Variants in WDFY3 observed in about 807,000 individuals in gnomAD.
WDFY3 encodes WD repeat and FYVE domain-containing protein 3.
In WDFY3, 66 loss-of-function variants were observed where a neutral mutation model predicts 409.6. That is an observed-to-expected ratio of 0.16 (90% confidence interval 0.13 to 0.20). The LOEUF (loss-of-function observed/expected upper bound fraction) is 0.20. Among genes scored for constraint, WDFY3 ranks in the 10% least tolerant of loss-of-function variants. The probability of loss-of-function intolerance (pLI) is 1.00; values close to 1 mark genes in which losing one functional copy is unlikely to be tolerated. For synonymous variants in WDFY3, 1,521 were observed against 1,537.1 expected (o/e 0.99, Z 0.25); for missense variants, 3,031 against 4,298.1 (o/e 0.71, Z 8.24).
At position 84,714,743 on chromosome 4, in the gene WDFY3, G is replaced by T. The variant is rs554043537; in HGVS notation, c.7961+555C>A. 1.2e-4 allele frequency among the ~76,000 whole-genome samples: 18 copies of T among 152,234 alleles called. No homozygotes were observed. In the East Asian group the frequency reaches 3.5e-3, roughly 30 times the overall value. ...AGGTGGGCAGATCACAAGGTCAAGA[G>T]ATCGAGACCATCCTGGCTAACACGG... On this transcript the variant is annotated intron_variant, in intron 50 of 67. Transcript: ENST00000295888.
intron 64 of WDFY3, among the ~76,000 whole-genome samples, chr4:84,679,839 TATAC>T (rs1273135706): frequency 9.8e-4 from 146 of 148,448 alleles, no homozygotes; most frequent in Middle Eastern, 3.5e-3. Context: ...TATATATATA[TATAC>T]ACACACACAC....
intron 67 of WDFY3, among the ~76,000 whole-genome samples, chr4:84,676,777 T>C (rs1200490926): frequency 6.6e-6 from 1 of 152,110 alleles, no homozygotes; most frequent in Non-Finnish European, 1.5e-5. Context: ...TACGTAAAGC[T>C]GAAAAGTAAA....
chr4:84,826,019 G>A (rs540471242), intron 10 of WDFY3, among the ~76,000 whole-genome samples: 5 of 151,938 alleles, frequency 3.3e-5, no homozygotes, highest in Admixed American at 6.6e-5. Context: ...TTTATCCTCC[G>A]ACCCAAATGA....
intron 2 of WDFY3, among the ~76,000 whole-genome samples, chr4:84,925,328 T>TA (rs33997252): frequency 4.6e-5 from 7 of 152,226 alleles, no homozygotes; most frequent in South Asian, 2.1e-4. Flanking sequence ...GGAAGTTTTT[T>TA]AAAAAAAATC....
chr4:84,819,584 G>C (rs1353262618), intron 12 of WDFY3, among the ~76,000 whole-genome samples: 1 of 151,892 alleles, frequency 6.6e-6, no homozygotes, highest in African/African-American at 2.4e-5. Context: ...GTTAATGACA[G>C]GTAGAAAAGT....
intron 2 of WDFY3, among the ~76,000 whole-genome samples, chr4:84,897,894 G>A (rs903960396): frequency 2.6e-5 from 4 of 152,214 alleles, no homozygotes; most frequent in Non-Finnish European, 5.9e-5. Flanking sequence ...TACATATTTA[G>A]AGATAACAAC....
intron 12 of WDFY3, among the ~76,000 whole-genome samples, chr4:84,819,686 C>A (rs1753793762): frequency 1.3e-5 from 2 of 151,960 alleles, no homozygotes; most frequent in South Asian, 4.1e-4. Flanking sequence ...AATCATTGTT[C>A]AGTATTTCCT....
At chr4:84,878,113 T>C (rs776428451) in intron 3 of WDFY3, among the ~76,000 whole-genome samples, 8 of 152,158 alleles carry the variant, frequency 5.3e-5, no homozygotes, top group Non-Finnish European at 7.4e-5. Flanking sequence ...AAAACTGATA[T>C]AAATTCAGAA....
intron 64 of WDFY3, among the ~76,000 whole-genome samples, chr4:84,681,110 T>C (rs1727273824): frequency 6.6e-6 from 1 of 152,174 alleles, no homozygotes; most frequent in Non-Finnish European, 1.5e-5. Context: ...CTAGCTTGTT[T>C]ACATTTCACC....
At chr4:84,685,313 A>G (rs997674518) in intron 62 of WDFY3, among the ~76,000 whole-genome samples, 1 of 152,214 alleles carries the variant, frequency 6.6e-6, no homozygotes, top group African/African-American at 2.4e-5. Context: ...TTCCATCCAC[A>G]GTCTGTGCTG....
At chr4:84,726,735 G>C in intron 45 of WDFY3, 126 bp downstream of exon 45, 1 of 788,350 alleles carries the variant, frequency 1.3e-6, no homozygotes, top group Non-Finnish European at 2.0e-6. Context: ...GGAACTTATA[G>C]GAAGAACAAA....
intron 30 of WDFY3, among the ~76,000 whole-genome samples, chr4:84,768,522 C>T (rs947438922): frequency 6.6e-6 from 1 of 152,148 alleles, no homozygotes; most frequent in East Asian, 1.9e-4. Context: ...TGCCTATGCT[C>T]GCTAAATGAA....
intron 2 of WDFY3, among the ~76,000 whole-genome samples, chr4:84,914,711 G>GA (rs548248006): frequency 1.1e-3 from 166 of 152,296 alleles, no homozygotes; most frequent in African/African-American, 3.8e-3. Context: ...AGTATGTAGA[G>GA]AAATTGGAAC....
At chr4:84,784,887 TATATACACACACAC>T (rs1301221277) in intron 24 of WDFY3, among the ~76,000 whole-genome samples, 3 of 62,340 alleles carry the variant, frequency 4.8e-5, no homozygotes, top group East Asian at 8.5e-4. Context: ...TATATATATA[TATATACACACACAC>T]ACACACACAC....
intron 2 of WDFY3, among the ~76,000 whole-genome samples, chr4:84,899,129 G>C (rs1766018917): frequency 6.6e-6 from 1 of 152,152 alleles, no homozygotes; most frequent in Non-Finnish European, 1.5e-5. Flanking sequence ...CTAATCCTTT[G>C]CTCCTAATAC....
chr4:84,771,132 C>T (rs1223824176), intron 30 of WDFY3, among the ~76,000 whole-genome samples: 1 of 151,860 alleles, frequency 6.6e-6, no homozygotes, highest in Non-Finnish European at 1.5e-5. Context: ...ATATTTTTCC[C>T]ACCTTTTTTT....
At chr4:84,717,111 G>A in intron 48 of WDFY3, 95 bp from the exon 49 acceptor site, 1 of 1,296,672 alleles carries the variant, frequency 7.7e-7, no homozygotes, top group East Asian at 2.8e-5. Flanking sequence ...ACATGAACAG[G>A]ATGGAGGAGT....
Position 84,740,501 on chromosome 4 carries a change from C to T in WDFY3, c.6235-85G>A, listed in dbSNP as rs953857188. On this transcript the variant is annotated intron_variant, in intron 38 of 67. Coordinates refer to ENST00000295888, the MANE Select transcript of WDFY3 (RefSeq NM_014991.6). Reference sequence around the variant, plus strand: ...ATTCATACATGAACTTTTATTAGGTCTATTATATACCAGATGCCATGCTAA... The same window carrying T: ...ATTCATACATGAACTTTTATTAGGTTTATTATATACCAGATGCCATGCTAA... 5.1e-5 allele frequency: 65 copies of T among 1,266,316 alleles called. No individual in the cohort carries two copies. The East Asian group carries it at 1.6e-3, about 31-fold the overall frequency. The allele number at this position is 1,266,316 out of a possible 1,614,324, so 78.4% of individuals were successfully genotyped here.
At chr4:84,881,428 T>A (rs1763519662) in intron 3 of WDFY3, among the ~76,000 whole-genome samples, 1 of 152,112 alleles carries the variant, frequency 6.6e-6, no homozygotes, top group African/African-American at 2.4e-5. Flanking sequence ...GACGGCCACA[T>A]CTTGGGCAAA....
Sources: gnomAD v4.1 joint callset for allele counts (sites outside exome capture counted in the v4.1 genomes callset) on GRCh38, gnomAD v4.1.1 for gene constraint, MANE v1.5 for transcripts, NCBI Gene and HGNC (gene_info 2026-07-23, HGNC 2026-07-21) for gene names.